Variants in NSMCE1 observed in about 807,000 individuals in gnomAD.
The protein encoded by NSMCE1 is non-structural maintenance of chromosomes element 1 homolog.
A neutral mutation model predicts 29.6 loss-of-function variants in NSMCE1; 18 were observed. The ratio of observed to expected loss-of-function variants is 0.61; its 90% CI spans 0.42 to 0.90. The LOEUF (loss-of-function observed/expected upper bound fraction) is 0.90, where lower values mean the gene tolerates loss of function less well. NSMCE1 is among the 40% of genes least tolerant of loss of function. The pLI, the probability that NSMCE1 is intolerant of heterozygous loss-of-function variation, is 0.00. For missense variants in NSMCE1, 314 were observed against 343.6 expected, an observed-to-expected ratio of 0.91 and a Z score of 0.68; for synonymous variants, 124 against 133.4, an observed-to-expected ratio of 0.93 and a Z score of 0.49.
intron 2 of NSMCE1, among the ~76,000 whole-genome samples, chr16:27,247,199 C>A (rs548709981): frequency 6.6e-6 from 1 of 152,298 alleles, no homozygotes; most frequent in South Asian, 2.1e-4. Flanking sequence ...TGGGAGGGGC[C>A]TGGTGGGAGG....
At position 27,255,233 on chromosome 16, in the gene NSMCE1, C is replaced by G. The variant is rs1224659538; in HGVS notation, c.136+2202G>C. Among the ~76,000 whole-genome samples the G allele has an allele frequency of 7.2e-5, 11 of 152,030 alleles. No individual in the cohort carries two copies. In the East Asian group the frequency reaches 2.1e-3, roughly 29 times the overall value. On this transcript the variant is annotated intron_variant, in intron 2 of 7. Transcript: ENST00000361439. ...AACTAGCTTAACAGGTATAACATCC[C>G]CTTTCAATACAAAAGTCTCTCACCA...
At chr16:27,247,077 T>A (rs1018655776) in intron 2 of NSMCE1, among the ~76,000 whole-genome samples, 3 of 152,120 alleles carry the variant, frequency 2.0e-5, no homozygotes, top group Non-Finnish European at 4.4e-5. Flanking sequence ...CTAAACTAAG[T>A]GTAAAATACA....
intron 6 of NSMCE1, 117 bp from the exon 7 acceptor site, chr16:27,225,963 C>T (rs2083686384): frequency 3.3e-6 from 4 of 1,219,930 alleles, no homozygotes; most frequent in Non-Finnish European, 4.6e-6. Context: ...CTTCTGGGCC[C>T]CAGATTAATA....
At chr16:27,245,850 A>G (rs907819334) in intron 2 of NSMCE1, among the ~76,000 whole-genome samples, 1 of 152,200 alleles carries the variant, frequency 6.6e-6, no homozygotes, top group Non-Finnish European at 1.5e-5. Context: ...CAAAGGGGAG[A>G]TCTATAAATG....
intron 2 of NSMCE1, among the ~76,000 whole-genome samples, chr16:27,251,107 C>T (rs2084023219): frequency 7.0e-6 from 1 of 143,050 alleles, no homozygotes; most frequent in East Asian, 2.1e-4. Context: ...TCCCAAAGTG[C>T]TGGGATTACA....
At chr16:27,243,994 G>T (rs974382222) in intron 2 of NSMCE1, among the ~76,000 whole-genome samples, 2 of 152,162 alleles carry the variant, frequency 1.3e-5, no homozygotes, top group African/African-American at 4.8e-5. Context: ...CAACAAACCA[G>T]AGAAAGCCAC....
In NSMCE1 at chr16:27,257,509, A is replaced by G; in HGVS notation, c.62T>C (p.Leu21Ser). Residue 21 changes from leucine (L) to serine (S), a missense_variant, in exon 2 of 8, where the codon TTG (leucine) becomes TCG (serine). By Grantham distance (145) the Leu-to-Ser change is moderately radical. Coordinates refer to ENST00000361439, the MANE Select transcript of NSMCE1 (RefSeq NM_145080.4). ...MTDVHRRFLQ[L>S]LMTHGVLEEW... ...CTCTAGCACGCCATGGGTCATCAGC[A>G]ACTGGAGGAAGCGCCGGTGGACATC... The G allele has an allele frequency of 6.2e-7, 1 of 1,614,020 alleles. No individual in the cohort carries two copies. Among genetic ancestry groups the G allele is most frequent in the South Asian group, 1.1e-5 (1 of 91,070 alleles).
intron 2 of NSMCE1, among the ~76,000 whole-genome samples, chr16:27,246,403 T>C (rs557684739): frequency 1.4e-4 from 22 of 152,302 alleles, no homozygotes; most frequent in African/African-American, 4.8e-4. Context: ...CTGGAGAGTA[T>C]AGAACTGTAC....
chr16:27,266,100 T>C (rs2084221625), intron 1 of NSMCE1, among the ~76,000 whole-genome samples: 1 of 152,176 alleles, frequency 6.6e-6, no homozygotes, highest in African/African-American at 2.4e-5. Flanking sequence ...GGGCTGGGCA[T>C]GGTGATTCAC....
intron 2 of NSMCE1, among the ~76,000 whole-genome samples, chr16:27,244,957 A>T (rs1175030465): frequency 6.6e-6 from 1 of 152,230 alleles, no homozygotes; most frequent in Non-Finnish European, 1.5e-5. Context: ...ACCCCAAGAG[A>T]ATTCAGCCCT....
chr16:27,242,167 ATGT>A (rs2083902892), intron 2 of NSMCE1, among the ~76,000 whole-genome samples: 1 of 152,220 alleles, frequency 6.6e-6, no homozygotes, highest in Non-Finnish European at 1.5e-5. Flanking sequence ...CCATAATAAA[ATGT>A]TGTAAAAATA....
intron 2 of NSMCE1, among the ~76,000 whole-genome samples, chr16:27,252,181 G>A (rs1210872663): frequency 1.3e-5 from 2 of 152,140 alleles, no homozygotes; most frequent in Admixed American, 6.5e-5. Flanking sequence ...TTGCTCTAAT[G>A]AGGCAACTCT....
intron 1 of NSMCE1, among the ~76,000 whole-genome samples, chr16:27,260,636 G>A (rs1243082937): frequency 1.3e-5 from 2 of 152,038 alleles, no homozygotes; most frequent in East Asian, 3.9e-4. Flanking sequence ...TATAGGCTGG[G>A]CACAGTGAGC....
intron 2 of NSMCE1, among the ~76,000 whole-genome samples, chr16:27,246,675 A>G (rs182623126): frequency 2.6e-5 from 4 of 152,072 alleles, no homozygotes; most frequent in African/African-American, 9.7e-5. Flanking sequence ...TTTTATGTAG[A>G]TACAGTGTTT....
At chr16:27,263,140 T>A (rs1410504162) in intron 1 of NSMCE1, among the ~76,000 whole-genome samples, 2 of 152,204 alleles carry the variant, frequency 1.3e-5, no homozygotes, top group Non-Finnish European at 2.9e-5. Flanking sequence ...AGTGTGGCAA[T>A]TCCTCAAAGA....
At chr16:27,248,610 C>T (rs1257594883) in intron 2 of NSMCE1, among the ~76,000 whole-genome samples, 3 of 151,668 alleles carry the variant, frequency 2.0e-5, no homozygotes, top group African/African-American at 7.3e-5. Flanking sequence ...AGGGTTTCAC[C>T]CTGTTGGTCA....
chr16:27,228,485 C>A (rs928529875), intron 5 of NSMCE1, among the ~76,000 whole-genome samples: 14 of 151,902 alleles, frequency 9.2e-5, no homozygotes, highest in African/African-American at 3.4e-4. Flanking sequence ...CTGGCCACCG[C>A]CCTCTTCCAG....
Position 27,257,514 on chromosome 16 carries a change from G to C in NSMCE1, c.57C>G (p.Leu19=). 1 of 1,614,026 alleles carries C rather than the reference G, an allele frequency of 6.2e-7. No homozygotes were observed. The highest frequency in any genetic ancestry group is 8.5e-7 in the Non-Finnish European group (1 of 1,179,960). Residue 19 remains leucine, a synonymous_variant, in exon 2 of 8, where the codon CTC becomes CTG. Coordinates refer to ENST00000361439, the MANE Select transcript of NSMCE1 (RefSeq NM_145080.4). ...GVMTDVHRRF[L]QLLMTHGVLE... ...GCACGCCATGGGTCATCAGCAACTG[G>C]AGGAAGCGCCGGTGGACATCAGTCA... is the stretch of plus-strand genomic sequence containing the variant.
At chr16:27,251,207 T>TATATATATATATATA (rs1555477430) in intron 2 of NSMCE1, among the ~76,000 whole-genome samples, 3 of 70,770 alleles carry the variant, frequency 4.2e-5, no homozygotes, top group Non-Finnish European at 8.7e-5. Flanking sequence ...TATATATATA[T>TATATATATATATATA]AAAACTCTGT....
Sources: gnomAD v4.1 joint callset for allele counts (sites outside exome capture counted in the v4.1 genomes callset) on GRCh38, gnomAD v4.1.1 for gene constraint, MANE v1.5 for transcripts, NCBI Gene and HGNC (gene_info 2026-07-23, HGNC 2026-07-21) for gene names.